The following PCDHGB2 variants were observed in gnomAD, a reference collection of about 807,000 sequenced individuals.
PCDHGB2 encodes the protein protocadherin gamma subfamily B, 2, also known as protocadherin gamma-B2.
Under a neutral mutation model 59.3 loss-of-function variants are expected in PCDHGB2, and 55 were observed. The ratio of observed to expected loss-of-function variants is 0.93; its 90% CI spans 0.75 to 1.16. PCDHGB2 has a LOEUF of 1.16. Ranked by LOEUF, PCDHGB2 falls within the 50% of genes most tolerant of loss-of-function variation. The pLI, the probability that PCDHGB2 is intolerant of heterozygous loss-of-function variation, is 0.00. For missense variants in PCDHGB2, 1,228 were observed against 1,198.5 expected (o/e 1.02, Z -0.36); for synonymous variants, 516 against 512.0 (o/e 1.01, Z -0.11).
chr5:141,407,959 G>T, intron 1 of PCDHGB2: 1 of 668,062 alleles, frequency 1.5e-6, no homozygotes, highest in South Asian at 2.3e-5. Flanking sequence ...CCAGTGCAGA[G>T]CAAGCGCTGA....
At chr5:141,375,072 G>A in intron 1 of PCDHGB2, 8 of 1,614,044 alleles carry the variant, frequency 5.0e-6, no homozygotes, top group Non-Finnish European at 6.8e-6. Flanking sequence ...CTTCGAGACA[G>A]AGCGAAAGTC....
intron 1 of PCDHGB2, among the ~76,000 whole-genome samples, chr5:141,461,001 A>G (rs1309762345): frequency 4.0e-5 from 6 of 150,320 alleles, no homozygotes; most frequent in South Asian, 4.2e-4. Context: ...ATATATGTGT[A>G]TATATATATA....
intron 1 of PCDHGB2, chr5:141,478,470 G>A (rs753075137): frequency 1.2e-6 from 2 of 1,613,686 alleles, no homozygotes; most frequent in Non-Finnish European, 1.7e-6. Context: ...CTGGCCAGCC[G>A]CCAGAACACG....
rs1167791830 is a variant in PCDHGB2 at position 141,420,032 on chromosome 5, G to A, written c.2421+57476G>A. 6.2e-7 allele frequency: 1 copy of A among 1,613,956 alleles called. No individual in the cohort carries two copies. Among genetic ancestry groups the A allele is most frequent in the Non-Finnish European group, 8.5e-7 (1 of 1,179,920 alleles). ...ACAGTCTTTCAGCCCTACTGCAGGA[G>A]ACTGCTTTGAGTCAGTTCTCTGCTC... On this transcript the variant is annotated intron_variant, in intron 1 of 3. Coordinates refer to ENST00000522605, the MANE Select transcript of PCDHGB2 (RefSeq NM_018923.3).
chr5:141,372,138 G>A, intron 1 of PCDHGB2: 1 of 1,613,746 alleles, frequency 6.2e-7, no homozygotes, highest in Non-Finnish European at 8.5e-7. Context: ...GCCGCGCTCT[G>A]CAGAGCCTGG....
chr5:141,419,694 G>T, intron 1 of PCDHGB2: 2 of 1,612,974 alleles, frequency 1.2e-6, no homozygotes, highest in South Asian at 1.1e-5. Context: ...GTGCAGGCCA[G>T]TGAGCCCGGG....
chr5:141,499,731 C>T (rs2099794093), intron 2 of PCDHGB2, among the ~76,000 whole-genome samples: 1 of 138,132 alleles, frequency 7.2e-6, no homozygotes, highest in African/African-American at 2.7e-5. Context: ...GTCTCACTCT[C>T]TTGCCCAGGC....
At chr5:141,365,408 T>G in intron 1 of PCDHGB2, 1 of 1,614,004 alleles carries the variant, frequency 6.2e-7, no homozygotes. Flanking sequence ...CTCTGAAGAC[T>G]GTCTTCCCGG....
At chr5:141,394,097 A>C in intron 1 of PCDHGB2, 1 of 1,613,932 alleles carries the variant, frequency 6.2e-7, no homozygotes, top group South Asian at 1.1e-5. Context: ...CAGATCTAGG[A>C]ACACCACCTC....
intron 1 of PCDHGB2, chr5:141,405,635 C>T (rs539370352): frequency 1.3e-4 from 69 of 526,234 alleles, no homozygotes; most frequent in Non-Finnish European, 1.9e-4. Context: ...CCACCACGCC[C>T]GGCTAATTTT....
intron 1 of PCDHGB2, among the ~76,000 whole-genome samples, chr5:141,380,689 C>T (rs570719600): frequency 4.4e-4 from 67 of 152,288 alleles, no homozygotes; most frequent in South Asian, 2.9e-3. Flanking sequence ...GCTTTGTGTT[C>T]GGAGTAGTCT....
chr5:141,438,288 G>C (rs752722248), intron 1 of PCDHGB2, among the ~76,000 whole-genome samples: 18 of 151,902 alleles, frequency 1.2e-4, no homozygotes, highest in Non-Finnish European at 2.1e-4. Flanking sequence ...AATTTAATCT[G>C]TATGTAAAAG....
At chr5:141,454,838 C>G (rs1472341694) in intron 1 of PCDHGB2, among the ~76,000 whole-genome samples, 1 of 100,816 alleles carries the variant, frequency 9.9e-6, no homozygotes, top group South Asian at 3.5e-4. Flanking sequence ...GACAGAGTCG[C>G]GCTCTGTCAC....
intron 1 of PCDHGB2, chr5:141,384,992 C>A (rs536147893): frequency 6.2e-7 from 1 of 1,614,146 alleles, no homozygotes; most frequent in Admixed American, 1.7e-5. Context: ...GTGGCGGTGG[C>A]CACAGTCTCC....
Position 141,397,948 on chromosome 5 carries a change from C to T in PCDHGB2, c.2421+35392C>T, listed in dbSNP as rs139631080. The T allele has an allele frequency of 7.9e-4, 721 of 913,614 alleles. 6 individuals are homozygous for T. The African/African-American group carries it at 0.01, about 13-fold the overall frequency. The allele number at this position is 913,614 out of a possible 1,614,324, so 56.6% of individuals were successfully genotyped here. On this transcript the variant is annotated intron_variant, in intron 1 of 3. Coordinates refer to ENST00000522605, the MANE Select transcript of PCDHGB2 (RefSeq NM_018923.3). Reference sequence around the variant, plus strand: ...CGCAGCCGCAGCGCGCTTTCCAGGGCAGCCCCAGCTCAGACTCCCCAGCGC... The same window carrying T: ...CGCAGCCGCAGCGCGCTTTCCAGGGTAGCCCCAGCTCAGACTCCCCAGCGC...
chr5:141,484,944 AG>A (rs1354711871), intron 1 of PCDHGB2: 1 of 546,450 alleles, frequency 1.8e-6, no homozygotes, highest in Non-Finnish European at 3.3e-6. Context: ...TTCTCTGCTC[AG>A]CCTATTGGCT....
intron 1 of PCDHGB2, chr5:141,371,718 A>T (rs1191526865): frequency 6.2e-7 from 1 of 1,613,946 alleles, no homozygotes; most frequent in Non-Finnish European, 8.5e-7. Flanking sequence ...CACTCTGCAC[A>T]TCCTTGATGT....
At chr5:141,472,411 C>T (rs747412647) in intron 1 of PCDHGB2, among the ~76,000 whole-genome samples, 9 of 151,918 alleles carry the variant, frequency 5.9e-5, no homozygotes, top group Admixed American at 3.3e-4. Flanking sequence ...CGTGGTGGCA[C>T]GCACCTGTAT....
At position 141,487,362 on chromosome 5, in the gene PCDHGB2, C is replaced by T; in HGVS notation, c.2422-7445C>T. On this transcript the variant is annotated intron_variant, in intron 1 of 3. Transcript: ENST00000522605. The surrounding 1 kb of genome is among the most constrained non-coding windows in gnomAD (Gnocchi z 5.0). The stretch of plus-strand genomic sequence containing the variant: ...GGAGTCACATGCTTTCCTGCTGGCA[C>T]CTGTGCCTGTCTCACCAGATCTCGA... 3 of 1,614,200 alleles carry T rather than the reference C, an allele frequency of 1.9e-6. No homozygotes were observed. Among genetic ancestry groups the T allele is most frequent in the Non-Finnish European group, 2.5e-6 (3 of 1,180,044 alleles).
Sources: gnomAD v4.1 joint callset for allele counts (sites outside exome capture counted in the v4.1 genomes callset) on GRCh38, gnomAD v4.1.1 for gene constraint, Gnocchi (gnomAD v3.1) non-coding constraint, MANE v1.5 for transcripts, NCBI Gene and HGNC (gene_info 2026-07-23, HGNC 2026-07-21) for gene names.